The following NGEF variants were observed in gnomAD, a reference collection of about 807,000 sequenced individuals.
The protein encoded by NGEF is neuronal guanine nucleotide exchange factor, also known as ephexin-1.
In NGEF, 31 loss-of-function variants were observed where a neutral mutation model predicts 80.9. The observed-to-expected ratio is 0.38, with a 90% confidence interval of 0.29 to 0.52. The LOEUF (loss-of-function observed/expected upper bound fraction) is 0.52. NGEF is among the 20% of genes least tolerant of loss of function. NGEF has a pLI of 0.84. For missense variants in NGEF, 709 were observed against 926.2 expected, an observed-to-expected ratio of 0.77 and a Z score of 3.04; for synonymous variants, 371 against 370.2, an observed-to-expected ratio of 1.00 and a Z score of -0.03.
At chr2:232,959,726 C>T (rs560144672) in intron 3 of NGEF, among the ~76,000 whole-genome samples, 21 of 152,140 alleles carry the variant, frequency 1.4e-4, no homozygotes, top group South Asian at 4.2e-4. Context: ...ATTACAGGCA[C>T]GCGCCACCAT....
chr2:232,902,243 G>A (rs1205532607), intron 5 of NGEF, among the ~76,000 whole-genome samples: 4 of 152,232 alleles, frequency 2.6e-5, no homozygotes, highest in African/African-American at 9.7e-5. Flanking sequence ...ATGCACGGAA[G>A]TGACTTTAAA....
intron 1 of NGEF, among the ~76,000 whole-genome samples, chr2:232,993,204 AT>A (rs1694706170): frequency 7.3e-6 from 1 of 136,318 alleles, no homozygotes; most frequent in South Asian, 2.1e-4. Context: ...ATTTATATAT[AT>A]ATTTGCCCGT....
At chr2:232,984,476 G>C (rs192424516) in intron 1 of NGEF, among the ~76,000 whole-genome samples, 2 of 152,322 alleles carry the variant, frequency 1.3e-5, no homozygotes, top group Admixed American at 1.3e-4. Context: ...TCCGATGCCA[G>C]AGAGTTGTAG....
At chr2:232,979,626 G>A (rs543881947) in intron 1 of NGEF, among the ~76,000 whole-genome samples, 2 of 152,256 alleles carry the variant, frequency 1.3e-5, no homozygotes, top group East Asian at 1.9e-4. Context: ...TAACTTCAGG[G>A]TGGGGGAGCC....
intron 3 of NGEF, among the ~76,000 whole-genome samples, chr2:232,952,992 AAAAAAAC>A (rs1693709471): frequency 6.9e-6 from 1 of 144,792 alleles, no homozygotes; most frequent in African/African-American, 2.5e-5. Context: ...AAAAAAAAAA[AAAAAAAC>A]AACAAAAAAG....
At chr2:232,975,046 G>T in intron 1 of NGEF, 82 bp from the exon 2 acceptor site, 1 of 683,082 alleles carries the variant, frequency 1.5e-6, no homozygotes, top group Non-Finnish European at 2.4e-6. Context: ...ACTCCCATTC[G>T]AATTTGATGA....
intron 3 of NGEF, among the ~76,000 whole-genome samples, chr2:232,943,603 C>T (rs1239788879): frequency 6.6e-6 from 1 of 151,002 alleles, no homozygotes; most frequent in Non-Finnish European, 1.5e-5. Context: ...TCACGCCATT[C>T]TCCTGCCTCA....
chr2:232,916,327 G>T (rs1054243433), intron 5 of NGEF, among the ~76,000 whole-genome samples: 1 of 152,202 alleles, frequency 6.6e-6, no homozygotes, highest in East Asian at 1.9e-4. Context: ...ATAAGGCACA[G>T]AGAAGTTAAG....
intron 1 of NGEF, among the ~76,000 whole-genome samples, chr2:232,985,524 G>A (rs996753411): frequency 9.9e-5 from 15 of 151,672 alleles, no homozygotes; most frequent in African/African-American, 1.7e-4. Context: ...AGGCTGAGGC[G>A]GGCGGATCAC....
chr2:233,001,213 C>A (rs756732728), intron 1 of NGEF, among the ~76,000 whole-genome samples: 1 of 152,256 alleles, frequency 6.6e-6, no homozygotes, highest in Admixed American at 6.5e-5. Context: ...GCATTGAGTG[C>A]AACCGTGGCA....
At chr2:232,881,861 G>A (rs1691515742) in intron 13 of NGEF, among the ~76,000 whole-genome samples, 3 of 152,196 alleles carry the variant, frequency 2.0e-5, no homozygotes, top group Admixed American at 1.3e-4. Flanking sequence ...ACAGGCATGA[G>A]CCACTGCACC....
At chr2:232,885,243 G>T in intron 10 of NGEF, 37 bp downstream of exon 10, 1 of 1,594,946 alleles carries the variant, frequency 6.3e-7, no homozygotes, top group Non-Finnish European at 8.6e-7. Context: ...AGGGGCCTGT[G>T]CATGGGCACA....
chr2:232,912,035 T>TGAATAG (rs1243980325), intron 5 of NGEF, among the ~76,000 whole-genome samples: 1 of 152,196 alleles, frequency 6.6e-6, no homozygotes, highest in East Asian at 1.9e-4. Context: ...ACAATGATGT[T>TGAATAG]GAATAGGAAT....
intron 11 of NGEF, among the ~76,000 whole-genome samples, 159 bp from the exon 12 acceptor site, chr2:232,883,625 C>CA (rs569799895): frequency 1.2e-3 from 188 of 152,286 alleles, no homozygotes; most frequent in Middle Eastern, 3.4e-3. Flanking sequence ...TCCCGCACCC[C>CA]AAAAGGGTGA....
At chr2:232,951,660 C>T (rs1693681324) in intron 3 of NGEF, among the ~76,000 whole-genome samples, 1 of 152,162 alleles carries the variant, frequency 6.6e-6, no homozygotes, top group African/African-American at 2.4e-5. Context: ...CTTGGCTGCA[C>T]CTAGGAACCG....
At chr2:232,935,847 G>A (rs796850494) in intron 3 of NGEF, among the ~76,000 whole-genome samples, 11 of 152,046 alleles carry the variant, frequency 7.2e-5, no homozygotes, top group African/African-American at 2.4e-4. Context: ...TTTCTTTTTG[G>A]TAGTGAGAAG....
chr2:232,919,692 C>T (rs1025898588), intron 5 of NGEF, among the ~76,000 whole-genome samples: 3 of 152,184 alleles, frequency 2.0e-5, no homozygotes, highest in African/African-American at 4.8e-5. Flanking sequence ...AGCAACTCAA[C>T]GATTTTGCCT....
At chr2:232,968,638 T>A (rs1694117519) in intron 3 of NGEF, among the ~76,000 whole-genome samples, 1 of 151,732 alleles carries the variant, frequency 6.6e-6, no homozygotes, top group Non-Finnish European at 1.5e-5. Context: ...ACTCCTGACC[T>A]CAAGTGATCC....
At chr2:233,005,018 G>A (rs945483930) in intron 1 of NGEF, among the ~76,000 whole-genome samples, 2 of 151,944 alleles carry the variant, frequency 1.3e-5, no homozygotes, top group South Asian at 2.1e-4. Flanking sequence ...AGATACACAC[G>A]GACCACCTTT....
Sources: gnomAD v4.1 joint callset for allele counts (sites outside exome capture counted in the v4.1 genomes callset) on GRCh38, gnomAD v4.1.1 for gene constraint, MANE v1.5 for transcripts, NCBI Gene and HGNC (gene_info 2026-07-23, HGNC 2026-07-21) for gene names.